NEK11: variants seen among roughly 807,000 people sequenced by gnomAD.
NEK11 encodes serine/threonine-protein kinase Nek11.
In NEK11, 72 loss-of-function variants were observed where a neutral mutation model predicts 80.7. That is an observed-to-expected ratio of 0.89 (90% CI 0.74 to 1.08). The LOEUF (loss-of-function observed/expected upper bound fraction) is 1.08. Among genes scored for constraint, NEK11 ranks in the 50% least tolerant of loss-of-function variants. The pLI is 0.00. For missense variants in NEK11, 764 were observed against 763.6 expected (o/e 1.00, Z -0.01); for synonymous variants, 251 against 260.7 (o/e 0.96, Z 0.36).
intron 14 of NEK11, chr3:131,175,084 T>C (rs1390130863): frequency 8.9e-7 from 1 of 1,124,174 alleles, no homozygotes; most frequent in Non-Finnish European, 1.1e-6. Flanking sequence ...CGATATCACC[T>C]CTTCTTTTTA....
At chr3:131,114,539 G>C (rs1305427198) in intron 5 of NEK11, among the ~76,000 whole-genome samples, 1 of 152,170 alleles carries the variant, frequency 6.6e-6, no homozygotes, top group Non-Finnish European at 1.5e-5. Flanking sequence ...ACTCCTGGTG[G>C]AGGGAAAAGC....
intron 9 of NEK11, among the ~76,000 whole-genome samples, chr3:131,153,290 G>A (rs2090034909): frequency 6.6e-6 from 1 of 152,140 alleles, no homozygotes; most frequent in Non-Finnish European, 1.5e-5. Context: ...CTATATCCCT[G>A]CAAGGACAAG....
At chr3:131,203,690 ATATATATG>A (rs139173310) in intron 14 of NEK11, among the ~76,000 whole-genome samples, 22,437 of 131,084 alleles carry the variant, frequency 0.17, 3,168 homozygotes, top group African/African-American at 0.3. Context: ...TAAAGTTCAT[ATATATATG>A]TATATATGTA....
At chr3:131,272,531 C>T (rs577353482) in intron 16 of NEK11, among the ~76,000 whole-genome samples, 179 of 126,636 alleles carry the variant, frequency 1.4e-3, no homozygotes, top group Admixed American at 3.2e-3. Context: ...GCTGGAGTGC[C>T]GTGGTGCGAT....
At chr3:131,058,401 A>G (rs986109629) in intron 3 of NEK11, among the ~76,000 whole-genome samples, 9 of 152,184 alleles carry the variant, frequency 5.9e-5, no homozygotes, top group Non-Finnish European at 8.8e-5. Context: ...TGAACTTTAA[A>G]GTAGTTTTTT....
At chr3:131,086,929 C>T (rs1306819998) in intron 4 of NEK11, among the ~76,000 whole-genome samples, 1 of 152,090 alleles carries the variant, frequency 6.6e-6, no homozygotes, top group Non-Finnish European at 1.5e-5. Context: ...CTATTCAAAT[C>T]TTTGTCCATT....
chr3:131,091,650 A>T (rs1578131563), intron 4 of NEK11, among the ~76,000 whole-genome samples: 3 of 152,374 alleles, frequency 2.0e-5, no homozygotes. Context: ...TGACAATAGG[A>T]TGTGAAAAGC....
chr3:131,108,355 T>A (rs567440487), intron 4 of NEK11, among the ~76,000 whole-genome samples: 1 of 152,246 alleles, frequency 6.6e-6, no homozygotes, highest in South Asian at 2.1e-4. Context: ...ACTAGCTTAT[T>A]TTTTCCACTT....
intron 16 of NEK11, among the ~76,000 whole-genome samples, chr3:131,244,591 C>CTG (rs769169640): frequency 6.6e-6 from 1 of 152,010 alleles, no homozygotes; most frequent in African/African-American, 2.4e-5. Context: ...GAGTCTAACA[C>CTG]TGTGTCTGGT....
intron 10 of NEK11, among the ~76,000 whole-genome samples, chr3:131,161,799 A>C (rs1004127275): frequency 6.6e-6 from 1 of 152,248 alleles, no homozygotes. Flanking sequence ...GTTTACCTAT[A>C]TAACAAACCT....
chr3:131,240,195 C>T (rs1239673293), intron 15 of NEK11, among the ~76,000 whole-genome samples: 1 of 152,120 alleles, frequency 6.6e-6, no homozygotes, highest in Non-Finnish European at 1.5e-5. Flanking sequence ...CCTCTGGCTC[C>T]TTTCTCAGAA....
Position 131,190,198 on chromosome 3 carries a change from A to G in NEK11, c.1399+19311A>G, listed in dbSNP as rs2093740273. On this transcript the variant is annotated intron_variant, in intron 14 of 17. Transcript: ENST00000383366. ...AGCAAATGAACTTATTCATGCTCTC[A>G]AAAACTACTGTTCGAGCACTCACAT... Among the ~76,000 whole-genome samples the G allele has an allele frequency of 2.0e-5, 3 of 152,174 alleles. No homozygotes were observed. In the South Asian group the frequency reaches 6.2e-4, roughly 31 times the overall value.
intron 3 of NEK11, among the ~76,000 whole-genome samples, chr3:131,045,949 T>C (rs1054813227): frequency 1.3e-5 from 2 of 152,210 alleles, no homozygotes; most frequent in African/African-American, 4.8e-5. Context: ...TGGTGCCCAT[T>C]TGCATGGAAT....
At chr3:131,324,183 A>T (rs1180678740) in intron 17 of NEK11, among the ~76,000 whole-genome samples, 1 of 152,220 alleles carries the variant, frequency 6.6e-6, no homozygotes, top group Non-Finnish European at 1.5e-5. Context: ...ATAGGAAATT[A>T]CTAAGAGAAT....
chr3:131,154,285 A>G (rs1393558221), intron 9 of NEK11, among the ~76,000 whole-genome samples: 4 of 152,164 alleles, frequency 2.6e-5, no homozygotes, highest in Non-Finnish European at 5.9e-5. Flanking sequence ...ATTCAAAAAA[A>G]AAATGGGTCA....
chr3:131,032,113 C>G (rs2064950732), intron 3 of NEK11, among the ~76,000 whole-genome samples: 1 of 152,070 alleles, frequency 6.6e-6, no homozygotes, highest in Admixed American at 6.6e-5. Context: ...AGGCATGCAC[C>G]ACCACACCTG....
At position 131,349,677 on chromosome 3, in the gene NEK11, T is replaced by C; in HGVS notation, c.1839T>C (p.Pro613=). Reference sequence around the variant, plus strand: ...GCGAGTGTTTGGAAAAAGTGGTGCCTCAAGCCAGCGACTGTTTTGAAGTGG... The same window carrying C: ...GCGAGTGTTTGGAAAAAGTGGTGCCCCAAGCCAGCGACTGTTTTGAAGTGG... ...EIRECLEKVV[P]QASDCFEVDQ... is the part of the protein sequence containing the mutation. Residue 613 remains proline (P), a synonymous_variant, in exon 18 of 18, where the codon CCT becomes CCC. Transcript: ENST00000383366. 1 of 1,614,160 alleles carries C rather than the reference T, an allele frequency of 6.2e-7. No individual in the cohort carries two copies.
intron 14 of NEK11, among the ~76,000 whole-genome samples, chr3:131,181,572 C>T (rs534872027): frequency 3.2e-4 from 49 of 151,816 alleles, no homozygotes; most frequent in Non-Finnish European, 5.1e-4. Context: ...CGATGAAACC[C>T]CATCTCTACT....
chr3:131,145,349 T>A (rs181559434), intron 7 of NEK11, among the ~76,000 whole-genome samples: 1,579 of 152,184 alleles, frequency 0.01, 20 homozygotes, highest in East Asian at 0.079. Context: ...AAAGTAGAGT[T>A]ATATCTCCAT....
Sources: allele counts gnomAD v4.1 joint callset (sites outside exome capture counted in the v4.1 genomes callset), GRCh38; gene constraint gnomAD v4.1.1; transcripts MANE v1.5; gene names NCBI Gene and HGNC (gene_info 2026-07-23, HGNC 2026-07-21).